Variants in ME1 observed in about 807,000 individuals in gnomAD.
ME1 encodes NADP-dependent malic enzyme.
ME1 carries 74 observed loss-of-function variants against 66.4 expected under a neutral mutation model. That is an observed-to-expected ratio of 1.11 (90% CI 0.92 to 1.35). The LOEUF is 1.35. Among genes scored for constraint, ME1 ranks in the 40% most tolerant of loss-of-function variants. The probability of loss-of-function intolerance (pLI) is 0.00; values close to 1 mark genes in which losing one functional copy is unlikely to be tolerated. For synonymous variants in ME1, 251 were observed against 235.6 expected (o/e 1.07, Z -0.60); for missense variants, 750 against 694.1 (o/e 1.08, Z -0.90).
chr6:83,349,005 AAAAC>A (rs1445759231), intron 4 of ME1, among the ~76,000 whole-genome samples: 72 of 148,378 alleles, frequency 4.9e-4, no homozygotes, highest in African/African-American at 1.2e-3. Flanking sequence ...AAAAAAACAA[AAAAC>A]AAAAAACAGT....
chr6:83,251,655 A>G (rs971405557), intron 7 of ME1, among the ~76,000 whole-genome samples: 8 of 152,194 alleles, frequency 5.3e-5, no homozygotes, highest in African/African-American at 1.9e-4. Flanking sequence ...GAAGAGGGGA[A>G]GAAAGGGTAT....
chr6:83,225,808 T>TTATATATATATATATATATA (rs57577563), intron 11 of ME1, among the ~76,000 whole-genome samples: 3 of 138,024 alleles, frequency 2.2e-5, no homozygotes, highest in African/African-American at 5.1e-5. Flanking sequence ...GCCTGTAACA[T>TTATATATATATATATATATA]TATATATATA....
intron 6 of ME1, among the ~76,000 whole-genome samples, chr6:83,283,523 G>C (rs1050362229): frequency 6.6e-6 from 1 of 151,876 alleles, no homozygotes; most frequent in Non-Finnish European, 1.5e-5. Context: ...AACCACCATG[G>C]CACATGTATA....
At chr6:83,214,863 AT>A (rs1218042704) in intron 13 of ME1, among the ~76,000 whole-genome samples, 2 of 151,910 alleles carry the variant, frequency 1.3e-5, no homozygotes, top group Non-Finnish European at 2.9e-5. Context: ...TAGTTTCTCA[AT>A]TTCTGTGTAT....
intron 7 of ME1, among the ~76,000 whole-genome samples, chr6:83,248,866 T>A (rs576606186): frequency 6.6e-6 from 1 of 152,136 alleles, no homozygotes; most frequent in Non-Finnish European, 1.5e-5. Flanking sequence ...AGTGTGAAAA[T>A]AGACTAATGC....
At chr6:83,312,515 A>G (rs1168952950) in intron 6 of ME1, among the ~76,000 whole-genome samples, 1 of 152,212 alleles carries the variant, frequency 6.6e-6, no homozygotes, top group Non-Finnish European at 1.5e-5. Context: ...AAACCTGCCA[A>G]GATGGCAAAT....
chr6:83,420,986 GGAAA>G (rs966418177), intron 1 of ME1, among the ~76,000 whole-genome samples: 10 of 151,912 alleles, frequency 6.6e-5, no homozygotes, highest in Non-Finnish European at 8.8e-5. Context: ...CAAAAGAAGG[GGAAA>G]GAAAGAAAGA....
intron 6 of ME1, among the ~76,000 whole-genome samples, chr6:83,272,345 T>C (rs1352661901): frequency 2.0e-5 from 3 of 152,140 alleles, no homozygotes; most frequent in Non-Finnish European, 4.4e-5. Flanking sequence ...ATGTGCTATC[T>C]TGAATTTCCA....
chr6:83,261,420 A>ATTTTTTTTTTTTTTTTTTTTTTTTTTTT (rs57450786), intron 6 of ME1, among the ~76,000 whole-genome samples: 1 of 110,896 alleles, frequency 9.0e-6, no homozygotes, highest in African/African-American at 3.5e-5. Flanking sequence ...TCTGTTGGTA[A>ATTTTTTTTTTTTTTTTTTTTTTTTTTTT]TTTTTTTTTT....
intron 4 of ME1, 99 bp downstream of exon 4, chr6:83,351,965 T>C: frequency 1.7e-6 from 1 of 593,276 alleles, no homozygotes; most frequent in Non-Finnish European, 2.8e-6. Context: ...AGCTAATGAA[T>C]GCTACCTATT....
At chr6:83,252,702 C>T (rs1180194) in intron 7 of ME1, among the ~76,000 whole-genome samples, 72,167 of 151,874 alleles carry the variant, frequency 0.48, 18,117 homozygotes, top group African/African-American at 0.64. Flanking sequence ...TAAGAACATA[C>T]AGCAGAACAA....
chr6:83,277,944 C>T (rs952737047), intron 6 of ME1, among the ~76,000 whole-genome samples: 3 of 89,102 alleles, frequency 3.4e-5, no homozygotes, highest in African/African-American at 1.6e-4. Flanking sequence ...GAATTCAACA[C>T]AGTGTGCCAG....
At chr6:83,363,753 T>G (rs1334797964) in intron 3 of ME1, among the ~76,000 whole-genome samples, 2 of 152,218 alleles carry the variant, frequency 1.3e-5, no homozygotes, top group African/African-American at 4.8e-5. Flanking sequence ...ATTTATACAC[T>G]TGTACTAAGA....
chr6:83,407,264 C>G (rs1424548407), intron 2 of ME1, among the ~76,000 whole-genome samples: 2 of 152,176 alleles, frequency 1.3e-5, no homozygotes, highest in African/African-American at 4.8e-5. Flanking sequence ...CAAGGATCTA[C>G]TGCTAGTGAG....
intron 1 of ME1, among the ~76,000 whole-genome samples, chr6:83,412,153 T>A (rs933938924): frequency 4.0e-4 from 61 of 152,188 alleles, no homozygotes; most frequent in Non-Finnish European, 2.2e-4. Flanking sequence ...AACAAATATA[T>A]TCTGTATTCC....
intron 6 of ME1, among the ~76,000 whole-genome samples, chr6:83,261,389 T>A (rs1766884863): frequency 6.6e-6 from 1 of 151,654 alleles, no homozygotes; most frequent in Admixed American, 6.6e-5. Flanking sequence ...TTTTCTCCCA[T>A]TCTGTAGGTT....
At chr6:83,213,709 T>A (rs1026539488) in intron 13 of ME1, among the ~76,000 whole-genome samples, 1 of 151,860 alleles carries the variant, frequency 6.6e-6, no homozygotes, top group African/African-American at 2.4e-5. Context: ...ATGACTGACT[T>A]ATTTTGATAA....
intron 1 of ME1, among the ~76,000 whole-genome samples, chr6:83,426,154 T>G (rs531931289): frequency 6.6e-6 from 1 of 152,194 alleles, no homozygotes; most frequent in Non-Finnish European, 1.5e-5. Flanking sequence ...GGACTTGGGC[T>G]CATTTCTTCT....
chr6:83,303,299 T>C (rs1405427943), intron 6 of ME1, among the ~76,000 whole-genome samples: 1 of 152,218 alleles, frequency 6.6e-6, no homozygotes, highest in Admixed American at 6.5e-5. Flanking sequence ...GTTGCTTGTA[T>C]CTATGTACCT....
Sources: allele counts gnomAD v4.1 joint callset (sites outside exome capture counted in the v4.1 genomes callset), GRCh38; gene constraint gnomAD v4.1.1; transcripts MANE v1.5; gene names NCBI Gene and HGNC (gene_info 2026-07-23, HGNC 2026-07-21).